HS3ST4: variants seen among roughly 807,000 people sequenced by gnomAD.
The protein encoded by HS3ST4 is heparan sulfate-glucosamine 3-sulfotransferase 4.
HS3ST4 carries 17 observed loss-of-function variants against 29.2 expected under a neutral mutation model. That is an observed-to-expected ratio of 0.58 (90% CI 0.40 to 0.87). The LOEUF (loss-of-function observed/expected upper bound fraction) is 0.87. Among genes scored for constraint, HS3ST4 ranks in the 40% least tolerant of loss-of-function variants. The probability of loss-of-function intolerance (pLI) is 0.00; values close to 1 mark genes in which losing one functional copy is unlikely to be tolerated. For missense variants in HS3ST4, 627 were observed against 634.5 expected (o/e 0.99, Z 0.13); for synonymous variants, 314 against 285.7 (o/e 1.10, Z -1.00).
chr16:25,750,494 G>C (rs563861363), intron 1 of HS3ST4, among the ~76,000 whole-genome samples: 2 of 152,274 alleles, frequency 1.3e-5, no homozygotes, highest in Admixed American at 6.5e-5. Context: ...TGTTAGACCT[G>C]ATGCTACCTT....
chr16:25,990,641 A>G (rs142831834), intron 1 of HS3ST4, among the ~76,000 whole-genome samples: 4 of 152,350 alleles, frequency 2.6e-5, no homozygotes, highest in Non-Finnish European at 5.9e-5. Flanking sequence ...ACTGTAACCC[A>G]TGATTCAGGG....
chr16:25,993,577 G>A (rs529157616), intron 1 of HS3ST4, among the ~76,000 whole-genome samples: 55 of 152,066 alleles, frequency 3.6e-4, no homozygotes, highest in Non-Finnish European at 5.9e-4. Flanking sequence ...CCTGGGACTT[G>A]TCATTTAACC....
At chr16:25,915,050 G>A (rs900481360) in intron 1 of HS3ST4, among the ~76,000 whole-genome samples, 2 of 152,138 alleles carry the variant, frequency 1.3e-5, no homozygotes, top group Admixed American at 1.3e-4. Context: ...CCGGTTGGAT[G>A]CCAGTGGCAT....
At chr16:25,729,106 GA>G (rs994208521) in intron 1 of HS3ST4, among the ~76,000 whole-genome samples, 8 of 151,660 alleles carry the variant, frequency 5.3e-5, no homozygotes, top group African/African-American at 1.2e-4. Flanking sequence ...AAAGGAAAGA[GA>G]AAAAAAATAG....
chr16:25,830,506 C>G (rs1967284223), intron 1 of HS3ST4, among the ~76,000 whole-genome samples: 1 of 152,196 alleles, frequency 6.6e-6, no homozygotes, highest in Non-Finnish European at 1.5e-5. Context: ...ACCCCTCTGA[C>G]TACTTCTCTG....
At position 26,135,733 on chromosome 16, in the gene HS3ST4, G is replaced by T; in HGVS notation, c.856G>T (p.Val286Leu). The T allele has an allele frequency of 6.2e-7, 1 of 1,614,124 alleles. No individual in the cohort carries two copies. Among genetic ancestry groups the T allele is most frequent in the East Asian group, 2.2e-5 (1 of 44,864 alleles). ...SMAKDIKLIVVVRNPVTRAIS... is the reference protein window; with the variant it reads ...SMAKDIKLIVLVRNPVTRAIS... ...GGCCAAGGACATCAAACTGATTGTG[G>T]TGGTGAGAAACCCCGTGACCAGGGC... Residue 286 changes from valine (V) to leucine (L), a missense_variant, in exon 2 of 2, where the codon GTG becomes TTG. Transcript: ENST00000331351.
intron 1 of HS3ST4, among the ~76,000 whole-genome samples, chr16:25,822,140 C>A (rs949788002): frequency 7.2e-5 from 11 of 152,062 alleles, no homozygotes; most frequent in African/African-American, 2.7e-4. Flanking sequence ...TCATTGGGGG[C>A]TCTTATAACA....
chr16:25,764,682 G>A (rs1039383324), intron 1 of HS3ST4, among the ~76,000 whole-genome samples: 1 of 152,178 alleles, frequency 6.6e-6, no homozygotes, highest in Non-Finnish European at 1.5e-5. Flanking sequence ...CCAGAGCTTG[G>A]GATCCAAATC....
chr16:25,741,075 A>G (rs1966648871), intron 1 of HS3ST4, among the ~76,000 whole-genome samples: 1 of 151,954 alleles, frequency 6.6e-6, no homozygotes, highest in South Asian at 2.1e-4. Context: ...TTACTTTTGC[A>G]AAAAATGTTT....
Position 26,062,718 on chromosome 16 carries a change from C to T in HS3ST4, c.735-72894C>T, listed in dbSNP as rs573007057. On this transcript the variant is annotated intron_variant, in intron 1 of 1. Transcript: ENST00000331351. ...AGAACTTCAGTGGAATGCACGAGCT[C>T]ATGTTGATGCTATTTCAATAGTGAT... 12 of 177,450 alleles carry T rather than the reference C, an allele frequency of 6.8e-5. No homozygotes were observed. In the South Asian group the frequency reaches 1.6e-3, roughly 23 times the overall value. 11.0% of individuals were successfully genotyped at this position (177,450 alleles called of 1,614,324 possible).
intron 1 of HS3ST4, among the ~76,000 whole-genome samples, chr16:25,803,937 T>A (rs1596575724): frequency 1.3e-5 from 2 of 151,912 alleles, no homozygotes; most frequent in Non-Finnish European, 2.9e-5. Context: ...ATATTTTGGT[T>A]CCCCCTCCCC....
intron 1 of HS3ST4, among the ~76,000 whole-genome samples, chr16:25,793,037 G>A (rs562775755): frequency 2.0e-4 from 31 of 151,788 alleles, no homozygotes; most frequent in African/African-American, 7.2e-4. Flanking sequence ...ACTAACAATT[G>A]TGTTACTTAC....
rs35191445 is a variant in HS3ST4, at chr16:25,889,906, G to GCT, written c.734+196772_734+196773dup. On this transcript the variant is annotated intron_variant, in intron 1 of 1. Transcript: ENST00000331351. ...TTATCAGGGGAATTCCCCTATACATGCTCTCTCTCTCTCTCTCTTGCCTGC... is the reference window on the plus strand; with the variant it reads ...TTATCAGGGGAATTCCCCTATACATGCTCTCTCTCTCTCTCTCTCTTGCCTGC... Among the ~76,000 whole-genome samples the GCT allele has an allele frequency of 2.8e-3, 426 of 150,756 alleles. 1 individual carries two copies. Among genetic ancestry groups the GCT allele is most frequent in the Middle Eastern group, 0.01 (3 of 294 alleles).
chr16:25,973,040 A>G (rs976834986), intron 1 of HS3ST4, among the ~76,000 whole-genome samples: 1 of 152,256 alleles, frequency 6.6e-6, no homozygotes, highest in Non-Finnish European at 1.5e-5. Context: ...CAGGTGAATT[A>G]TAAATGGGTT....
intron 1 of HS3ST4, among the ~76,000 whole-genome samples, chr16:25,799,563 G>A (rs1966911422): frequency 6.6e-6 from 1 of 152,012 alleles, no homozygotes; most frequent in Admixed American, 6.6e-5. Context: ...TATTATACCT[G>A]CTGCTCTCAG....
intron 1 of HS3ST4, among the ~76,000 whole-genome samples, chr16:26,045,370 A>G (rs554586383): frequency 3.5e-4 from 54 of 152,304 alleles, no homozygotes; most frequent in Non-Finnish European, 6.6e-4. Flanking sequence ...AGTTTAGTTT[A>G]ATATATTCTT....
chr16:25,704,023 C>A lies in HS3ST4; in HGVS notation c.734+10872C>A, dbSNP rs776708673. On this transcript the variant is annotated intron_variant, in intron 1 of 1. Coordinates refer to ENST00000331351, the MANE Select transcript of HS3ST4 (RefSeq NM_006040.3). ...GCATAGGACCAGAAATCGATCTTGT[C>A]CATTTTGTTTCAAGCCAGAGCCCAG... Among the ~76,000 whole-genome samples, 2 of 152,182 alleles carry A rather than the reference C, an allele frequency of 1.3e-5. 1 individual carries two copies. The highest frequency in any genetic ancestry group is 4.1e-4 in the South Asian group (2 of 4,828).
intron 1 of HS3ST4, among the ~76,000 whole-genome samples, chr16:25,965,813 A>C (rs1350159910): frequency 6.6e-6 from 1 of 152,158 alleles, no homozygotes; most frequent in East Asian, 1.9e-4. Context: ...TACATATAGA[A>C]CTCTTCACAA....
At chr16:25,819,872 A>C (rs899568492) in intron 1 of HS3ST4, among the ~76,000 whole-genome samples, 9 of 151,420 alleles carry the variant, frequency 5.9e-5, no homozygotes, top group Admixed American at 2.0e-4. Context: ...TTATCCGGGA[A>C]TGGTGGTGGG....
Sources: allele counts gnomAD v4.1 joint callset (sites outside exome capture counted in the v4.1 genomes callset), GRCh38; gene constraint gnomAD v4.1.1; transcripts MANE v1.5; gene names NCBI Gene and HGNC (gene_info 2026-07-23, HGNC 2026-07-21).